The following PARD3 variants were observed in gnomAD, a reference collection of about 807,000 sequenced individuals.
The protein encoded by PARD3 is partitioning defective 3 homolog.
In PARD3, 75 loss-of-function variants were observed where a neutral mutation model predicts 155.4. The ratio of observed to expected loss-of-function variants is 0.48; its 90% CI spans 0.40 to 0.58. PARD3 has a LOEUF of 0.58. Ranked by LOEUF, PARD3 falls within the 20% of genes least tolerant of loss-of-function variation. PARD3 has a pLI of 0.00. For missense variants in PARD3, 1,642 were observed against 1,721.7 expected, an observed-to-expected ratio of 0.95 and a Z score of 0.82; for synonymous variants, 576 against 610.5, an observed-to-expected ratio of 0.94 and a Z score of 0.83.
At chr10:34,284,276 A>G (rs1238361892) in intron 20 of PARD3, 31 bp from the exon 21 acceptor site, 1 of 1,262,124 alleles carries the variant, frequency 7.9e-7, no homozygotes. Flanking sequence ...TAACTTGTCA[A>G]TATATACAAA....
At chr10:34,665,906 A>AGAACAAAAAG (rs1554804216) in intron 2 of PARD3, among the ~76,000 whole-genome samples, 5 of 147,134 alleles carry the variant, frequency 3.4e-5, no homozygotes, top group African/African-American at 1.0e-4. Context: ...AGAACAGAAC[A>AGAACAAAAAG]AAAAGAAAAG....
chr10:34,409,605 C>G (rs550308116), intron 5 of PARD3, among the ~76,000 whole-genome samples: 2 of 152,204 alleles, frequency 1.3e-5, no homozygotes, highest in Non-Finnish European at 2.9e-5. Context: ...AACACTGGCA[C>G]CGCTTGTTTT....
At chr10:34,703,025 G>A (rs1448726642) in intron 1 of PARD3, among the ~76,000 whole-genome samples, 2 of 152,014 alleles carry the variant, frequency 1.3e-5, no homozygotes, top group Admixed American at 6.6e-5. Flanking sequence ...GAGAAGGGAG[G>A]AAAGCAAGAA....
intron 5 of PARD3, among the ~76,000 whole-genome samples, chr10:34,424,072 T>A (rs1589521371): frequency 6.6e-6 from 1 of 152,196 alleles, no homozygotes; most frequent in East Asian, 1.9e-4. Flanking sequence ...ATTTCTATAT[T>A]TGCAAGTGTT....
rs756676012 is a variant in PARD3 at position 34,337,275 on chromosome 10, T to A, written c.2560A>T (p.Ile854Leu). 2 of 1,572,128 alleles carry A rather than the reference T, an allele frequency of 1.3e-6. No homozygotes were observed. The highest frequency in any genetic ancestry group is 8.6e-7 in the Non-Finnish European group (1 of 1,159,670). Residue 854 changes from isoleucine to leucine, a missense_variant and splice_region_variant, in exon 17 of 25, where the codon ATA becomes TTA. Ile to Leu is a conservative substitution (Grantham distance 5, BLOSUM62 2). Transcript: ENST00000374788. Reference sequence around the variant, plus strand: ...AAAGATTCATGGAGATTGTACTCACTACCTAAATCCATGCTTTTTGATTTT... The same window carrying A: ...AAAGATTCATGGAGATTGTACTCACAACCTAAATCCATGCTTTTTGATTTT... The part of the protein sequence containing the change: ...TRKSKSMDLG[I>L]ADETKLNTVD...
rs534622613 is a variant in PARD3 at position 34,266,739 on chromosome 10, T to A, written c.3419+2918A>T. Among the ~76,000 whole-genome samples, 10 of 152,270 alleles carry A rather than the reference T, an allele frequency of 6.6e-5. No homozygotes were observed. The South Asian group carries it at 2.1e-3, about 32-fold the overall frequency. On this transcript the variant is annotated intron_variant, in intron 22 of 24. Coordinates refer to ENST00000374788, the MANE Select transcript of PARD3 (RefSeq NM_001184785.2). ...TCCAGAATGTTTCTCTGAGTGCATT[T>A]TGGCAGAAATTAGGAGGCTGAGTTT...
chr10:34,240,322 G>C (rs1953500376), intron 22 of PARD3, among the ~76,000 whole-genome samples: 2 of 152,162 alleles, frequency 1.3e-5, no homozygotes, highest in Admixed American at 1.3e-4. Flanking sequence ...AGTAAGTACA[G>C]ATGTGCAAAT....
intron 2 of PARD3, among the ~76,000 whole-genome samples, chr10:34,651,010 T>TC (rs1405105625): frequency 1.0e-3 from 32 of 31,790 alleles, no homozygotes; most frequent in South Asian, 3.4e-3. Context: ...AAACTCTGTC[T>TC]CAAAAAAAAA....
chr10:34,371,696 T>C (rs1840685129), intron 12 of PARD3, among the ~76,000 whole-genome samples: 2 of 152,012 alleles, frequency 1.3e-5, no homozygotes, highest in African/African-American at 2.4e-5. Context: ...TTACCTACTA[T>C]GGAAATGACT....
intron 4 of PARD3, among the ~76,000 whole-genome samples, chr10:34,464,670 T>C (rs918924741): frequency 2.6e-5 from 4 of 152,166 alleles, no homozygotes; most frequent in African/African-American, 9.7e-5. Context: ...ACATTAACTA[T>C]AAGAACTCAA....
At chr10:34,166,504 A>T (rs1007819380) in intron 22 of PARD3, among the ~76,000 whole-genome samples, 1 of 152,018 alleles carries the variant, frequency 6.6e-6, no homozygotes, top group South Asian at 2.1e-4. Flanking sequence ...TATAGTCCCA[A>T]CTACTCAGGA....
intron 22 of PARD3, among the ~76,000 whole-genome samples, chr10:34,255,614 T>A (rs1047935724): frequency 2.0e-5 from 3 of 152,182 alleles, no homozygotes; most frequent in Non-Finnish European, 2.9e-5. Flanking sequence ...TCATGCAGAT[T>A]TATCTGGAGG....
chr10:34,172,749 C>CAAAAAAAAAAAAAAAAA (rs1407885538), intron 22 of PARD3, among the ~76,000 whole-genome samples: 1 of 111,684 alleles, frequency 9.0e-6, no homozygotes. Flanking sequence ...AAAAAAACAA[C>CAAAAAAAAAAAAAAAAA]AAAAAAAAAA....
intron 22 of PARD3, among the ~76,000 whole-genome samples, chr10:34,242,430 C>T (rs1313231535): frequency 1.3e-5 from 2 of 152,026 alleles, no homozygotes; most frequent in South Asian, 2.1e-4. Context: ...TGGTAGGAGG[C>T]GACTACCTTC....
chr10:34,334,589 G>A (rs998082549), intron 18 of PARD3, among the ~76,000 whole-genome samples: 1 of 151,600 alleles, frequency 6.6e-6, no homozygotes, highest in African/African-American at 2.4e-5. Context: ...TCTAATATTA[G>A]GGGACAGGGA....
chr10:34,778,066 T>C (rs1448844856), intron 1 of PARD3, among the ~76,000 whole-genome samples: 2 of 152,230 alleles, frequency 1.3e-5, no homozygotes, highest in Non-Finnish European at 2.9e-5. Flanking sequence ...AGGATCCCTG[T>C]GGATACCAAA....
chr10:34,349,025 A>G (rs1234034950), intron 14 of PARD3, among the ~76,000 whole-genome samples: 2 of 152,156 alleles, frequency 1.3e-5, no homozygotes, highest in Admixed American at 1.3e-4. Flanking sequence ...TACAATCCTC[A>G]TAACGCAGAC....
intron 19 of PARD3, among the ~76,000 whole-genome samples, chr10:34,320,606 G>A (rs1958312783): frequency 6.6e-6 from 1 of 152,182 alleles, no homozygotes; most frequent in Non-Finnish European, 1.5e-5. Context: ...ATATGCTGAA[G>A]TCACGTTTGT....
At chr10:34,483,552 A>G (rs1209069800) in intron 3 of PARD3, among the ~76,000 whole-genome samples, 1 of 151,708 alleles carries the variant, frequency 6.6e-6, no homozygotes, top group Non-Finnish European at 1.5e-5. Context: ...ATTGTTATTT[A>G]TAATATTGCT....
Sources: allele counts gnomAD v4.1 joint callset (sites outside exome capture counted in the v4.1 genomes callset), GRCh38; gene constraint gnomAD v4.1.1; transcripts MANE v1.5; gene names NCBI Gene and HGNC (gene_info 2026-07-23, HGNC 2026-07-21).